ZNF69: variants seen among roughly 807,000 people sequenced by gnomAD.
The protein encoded by ZNF69 is ZNF3.
Under a neutral mutation model 50.9 loss-of-function variants are expected in ZNF69, and 47 were observed. That is an observed-to-expected ratio of 0.92 (90% CI 0.73 to 1.18). ZNF69 has a LOEUF of 1.18. Ranked by LOEUF, ZNF69 falls within the 50% of genes most tolerant of loss-of-function variation. The pLI, the probability that ZNF69 is intolerant of heterozygous loss-of-function variation, is 0.00. For missense variants in ZNF69, 717 were observed against 675.1 expected (o/e 1.06, Z -0.69); for synonymous variants, 216 against 223.1 (o/e 0.97, Z 0.29).
rs1384037920 is a variant in ZNF69, at chr19:11,904,721, A to G, written c.324A>G (p.Pro108=). The stretch of plus-strand genomic sequence containing the variant: ...GTGGAGAAACTTTTACCCAGGTTCC[A>G]GATGACAGGCTGAACTTCCAGGAGA... ...SHCGETFTQV[P]DDRLNFQEKK... The change falls in exon 4 of 4, where the codon CCA becomes CCG. Residue 108 remains proline, a synonymous_variant. Transcript: ENST00000429654. 1 of 1,613,906 alleles carries G rather than the reference A, an allele frequency of 6.2e-7. No individual in the cohort carries two copies. The highest frequency in any genetic ancestry group is 8.5e-7 in the Non-Finnish European group (1 of 1,179,876).
the ZNF69 span, among the ~76,000 whole-genome samples, chr19:11,960,629 C>G: frequency 2.0e-5 from 3 of 151,096 alleles, no homozygotes; most frequent in African/African-American, 7.3e-5. Flanking sequence ...ACCAAGATAT[C>G]TGTACATGTT....
At chr19:11,894,673 A>G (rs992333443) in intron 1 of ZNF69, among the ~76,000 whole-genome samples, 2 of 152,110 alleles carry the variant, frequency 1.3e-5, no homozygotes, top group Non-Finnish European at 2.9e-5. Flanking sequence ...CTCCCAAGAG[A>G]GCAGCTGAAT....
chr19:11,925,014 G>GAC, the ZNF69 span: 6,690 of 538,746 alleles, frequency 0.012, 392 homozygotes, highest in African/African-American at 0.12. Flanking sequence ...CTGTCACTCA[G>GAC]ATGTGGGGGG....
chr19:11,965,908 G>A, the ZNF69 span, among the ~76,000 whole-genome samples: 6 of 152,098 alleles, frequency 3.9e-5, no homozygotes, highest in Admixed American at 2.6e-4. Context: ...CAGAAAGGGC[G>A]GGACCTGTGG....
chr19:11,951,574 T>C, the ZNF69 span, among the ~76,000 whole-genome samples: 2 of 152,108 alleles, frequency 1.3e-5, no homozygotes, highest in African/African-American at 2.4e-5. Flanking sequence ...AGTTATCTCA[T>C]ATACCTCTGA....
chr19:11,889,079 G>T (rs1375715024), intron 1 of ZNF69, among the ~76,000 whole-genome samples: 2 of 152,104 alleles, frequency 1.3e-5, no homozygotes, highest in Non-Finnish European at 2.9e-5. Context: ...AGAGTGTGAA[G>T]CTTTGTCTAA....
chr19:11,924,748 G>T, the ZNF69 span, among the ~76,000 whole-genome samples: 2 of 152,162 alleles, frequency 1.3e-5, no homozygotes. Context: ...TTCCCCTGCT[G>T]CTCTGAGGCC....
chr19:11,920,695 C>T, the ZNF69 span, among the ~76,000 whole-genome samples: 3 of 152,040 alleles, frequency 2.0e-5, no homozygotes, highest in African/African-American at 7.2e-5. Context: ...CAAGACCAGC[C>T]TGGACAACGT....
chr19:11,923,044 G>A, the ZNF69 span, among the ~76,000 whole-genome samples: 2 of 152,006 alleles, frequency 1.3e-5, no homozygotes, highest in Admixed American at 6.6e-5. Context: ...CTTCAACTTC[G>A]GGCTTCAAGT....
chr19:11,939,306 C>G, the ZNF69 span, among the ~76,000 whole-genome samples: 1 of 152,184 alleles, frequency 6.6e-6, no homozygotes, highest in Non-Finnish European at 1.5e-5. Context: ...TTGCCCATGC[C>G]TATGTCTGAA....
intron 1 of ZNF69, among the ~76,000 whole-genome samples, chr19:11,888,689 C>T (rs1170510476): frequency 1.3e-5 from 2 of 152,054 alleles, no homozygotes; most frequent in African/African-American, 2.4e-5. Flanking sequence ...GGGACCTGGC[C>T]GGGCACGGTG....
chr19:11,896,217 TAAAAAAAAAAAAAA>T (rs138289885), intron 1 of ZNF69, among the ~76,000 whole-genome samples: 4 of 63,860 alleles, frequency 6.3e-5, no homozygotes, highest in African/African-American at 1.4e-4. Flanking sequence ...GAAACTCCAT[TAAAAAAAAAAAAAA>T]AAAAAAAAAA....
chr19:11,911,374 G>A (rs279226), downstream of ZNF69, among the ~76,000 whole-genome samples: 5,491 of 152,180 alleles, frequency 0.036, 359 homozygotes, highest in African/African-American at 0.13. Flanking sequence ...ACATGCACAC[G>A]TATGTTTATT....
the ZNF69 span, chr19:11,949,433 G>T: frequency 3.7e-6 from 6 of 1,613,252 alleles, no homozygotes; most frequent in Non-Finnish European, 5.1e-6. Context: ...ACTCATACTG[G>T]AGAGAAACCC....
the ZNF69 span, among the ~76,000 whole-genome samples, chr19:11,922,891 C>T: frequency 2.0e-5 from 3 of 151,466 alleles, no homozygotes; most frequent in Admixed American, 6.6e-5. Context: ...CAGCTCACAG[C>T]AGCCTCAAAC....
intron 1 of ZNF69, among the ~76,000 whole-genome samples, chr19:11,897,040 A>G (rs1972136850): frequency 6.6e-6 from 1 of 152,146 alleles, no homozygotes; most frequent in Non-Finnish European, 1.5e-5. Flanking sequence ...TTGGACTTGA[A>G]GAAAATTAGT....
the ZNF69 span, among the ~76,000 whole-genome samples, chr19:11,960,918 T>C: frequency 0.14 from 20,648 of 152,168 alleles, 2,607 homozygotes; most frequent in African/African-American, 0.34. Flanking sequence ...GATTACATTG[T>C]CTCCAAAGCC....
In ZNF69 at chr19:11,891,413, G is replaced by A. The variant is rs575990074; in HGVS notation, c.63+3427G>A. Among the ~76,000 whole-genome samples, 4 of 151,298 alleles carry A rather than the reference G, an allele frequency of 2.6e-5. No homozygotes were observed. The East Asian group carries it at 7.7e-4, about 29-fold the overall frequency. ...AAGAAAAGAAAGAAAGGAAGGGAGG[G>A]AGGGAAGGAAGGAAGAAGGAAGGAA... On this transcript the variant is annotated intron_variant, in intron 1 of 3. Transcript: ENST00000429654.
At chr19:11,980,175 T>C in the ZNF69 span, 1 of 601,746 alleles carries the variant, frequency 1.7e-6, no homozygotes, top group Non-Finnish European at 2.8e-6. Context: ...AGGTCAGGAG[T>C]TCAAGACTGG....
Sources: allele counts gnomAD v4.1 joint callset (sites outside exome capture counted in the v4.1 genomes callset), GRCh38; gene constraint gnomAD v4.1.1; transcripts MANE v1.5; gene names NCBI Gene and HGNC (gene_info 2026-07-23, HGNC 2026-07-21).